COL9A2: variants seen among roughly 807,000 people sequenced by gnomAD.
COL9A2 encodes the protein collagen type IX alpha 2 chain.
In COL9A2, 66 loss-of-function variants were observed where a neutral mutation model predicts 111.6. That is an observed-to-expected ratio of 0.59 (90% CI 0.48 to 0.73). The LOEUF (loss-of-function observed/expected upper bound fraction) is 0.73, where lower values mean the gene tolerates loss of function less well. COL9A2 is among the 30% of genes least tolerant of loss of function. COL9A2 has a pLI of 0.00. For missense variants in COL9A2, 881 were observed against 954.1 expected, an observed-to-expected ratio of 0.92 and a Z score of 1.01; for synonymous variants, 353 against 364.1, an observed-to-expected ratio of 0.97 and a Z score of 0.35.
Position 40,314,460 on chromosome 1 carries a change from C to A in COL9A2, c.151-73G>T. ...CCAAGTGGGCACACACAGGCCCTGG[C>A]AGGCCGCTCCCAAAGGCTCTCCTCA... On this transcript the variant is annotated intron_variant, in intron 2 of 31. Transcript: ENST00000372748. The surrounding 1 kb of genome is among the most constrained non-coding windows in gnomAD (Gnocchi z 4.1). 1.9e-6 allele frequency: 3 copies of A among 1,577,376 alleles called. No homozygotes were observed. Among genetic ancestry groups the A allele is most frequent in the Non-Finnish European group, 2.6e-6 (3 of 1,146,804 alleles).
Position 40,307,448 on chromosome 1 carries a change from C to T in COL9A2, c.1006G>A (p.Ala336Thr). 1 of 1,614,024 alleles carries T rather than the reference C, an allele frequency of 6.2e-7. No individual in the cohort carries two copies. The highest frequency in any genetic ancestry group is 8.5e-7 in the Non-Finnish European group (1 of 1,179,964). ...QPGSPGHQGLAGVPGQPGTKG... is the reference protein window; with the variant it reads ...QPGSPGHQGLTGVPGQPGTKG... Reference sequence around the variant, plus strand: ...CTGTGGCTCCACCTGACACTTACCGCTAGGCCCTGGTGGCCTGGACTTCCG... The same window carrying T: ...CTGTGGCTCCACCTGACACTTACCGTTAGGCCCTGGTGGCCTGGACTTCCG... The change falls in exon 19 of 32, where the codon GCG (alanine) becomes ACG (threonine). Residue 336 changes from alanine to threonine, a missense_variant and splice_region_variant. Transcript: ENST00000372748. This position sits in a 1 kb window ranked among gnomAD's most constrained non-coding sequence, Gnocchi z 4.8.
At position 40,302,534 on chromosome 1, in the gene COL9A2, G is replaced by T; in HGVS notation, c.1792+87C>A. The T allele has an allele frequency of 6.9e-7, 1 of 1,446,082 alleles. No individual in the cohort carries two copies. The highest frequency in any genetic ancestry group is 9.4e-7 in the Non-Finnish European group (1 of 1,063,418). The allele number at this position is 1,446,082 out of a possible 1,614,324, so 89.6% of individuals were successfully genotyped here. A position where few individuals can be genotyped will look rare whatever the true frequency, so the allele number is the denominator to read the frequency against. ...TGAGGAACCGGGGAAGGGTCTGTAT[G>T]TCATCCTGAGAAGGGAATGGGGAAA... On this transcript the variant is annotated intron_variant, in intron 30 of 31. Transcript: ENST00000372748. The surrounding 1 kb of genome is among the most constrained non-coding windows in gnomAD (Gnocchi z 4.5).
rs1315693882 is a variant in COL9A2 at position 40,312,070 on chromosome 1, G to A, written c.406C>T (p.Arg136Ter). The change falls in exon 8 of 32, where the codon CGA becomes TGA. Residue 136 changes from arginine (R) to a stop codon, truncating the protein, a stop_gained. Transcript: ENST00000372748. LOFTEE classifies it high-confidence loss of function. The surrounding 1 kb of genome is among the most constrained non-coding windows in gnomAD (Gnocchi z 6.0). ...TGGCTGAGGCTCACCTTGGGGCCTCGGATTCCAATCTCACCAGGGAGGCCA... is the reference window on the plus strand; with the variant it reads ...TGGCTGAGGCTCACCTTGGGGCCTCAGATTCCAATCTCACCAGGGAGGCCA... ...PVGLPGEIGI[R>*]GPKGDPGPDG... The A allele has an allele frequency of 3.1e-6, 5 of 1,601,138 alleles. No homozygotes were observed. Among genetic ancestry groups the A allele is most frequent in the Non-Finnish European group, 3.4e-6 (4 of 1,175,518 alleles).
In COL9A2 at chr1:40,307,538, C is replaced by T; in HGVS notation, c.955-39G>A. ...ATAACCAAAGATACAAATTAAAGCT[C>T]CAGCCAGAGGGCCATGGCTTCTACC... On this transcript the variant is annotated intron_variant, in intron 18 of 31. Coordinates refer to ENST00000372748, the MANE Select transcript of COL9A2 (RefSeq NM_001852.4). The surrounding 1 kb of genome is among the most constrained non-coding windows in gnomAD (Gnocchi z 4.8). The T allele has an allele frequency of 6.2e-7, 1 of 1,611,942 alleles. No individual in the cohort carries two copies. The highest frequency in any genetic ancestry group is 2.2e-5 in the East Asian group (1 of 44,846).
intron 19 of COL9A2, 108 bp from the exon 20 acceptor site, chr1:40,306,295 G>A: frequency 8.1e-7 from 1 of 1,241,498 alleles, no homozygotes; most frequent in Non-Finnish European, 1.2e-6. Context: ...TGTGGGAGCT[G>A]AACAACAGAA....
Position 40,307,416 on chromosome 1 carries a change from C to T in COL9A2, c.1008+30G>A. 6.2e-7 allele frequency: 1 copy of T among 1,611,010 alleles called. No individual in the cohort carries two copies. Among genetic ancestry groups the T allele is most frequent in the Non-Finnish European group, 8.5e-7 (1 of 1,178,198 alleles). ...AACCTCATCAGCCACTAGCCCCTGG[C>T]CAGCCCCTGTGGCTCCACCTGACAC... On this transcript the variant is annotated intron_variant, in intron 19 of 31. Coordinates refer to ENST00000372748, the MANE Select transcript of COL9A2 (RefSeq NM_001852.4). This position sits in a 1 kb window ranked among gnomAD's most constrained non-coding sequence, Gnocchi z 4.8.
At chr1:40,309,434 G>GA (rs780999102) in intron 16 of COL9A2, among the ~76,000 whole-genome samples, 5,706 of 139,416 alleles carry the variant, frequency 0.041, 168 homozygotes, top group African/African-American at 0.093. Context: ...TATTAATTGG[G>GA]AAAAAAAAAA....
Position 40,311,557 on chromosome 1 carries a change from G to A in COL9A2, c.472-10C>T, listed in dbSNP as rs372390684. 8 of 1,613,896 alleles carry A rather than the reference G, an allele frequency of 5.0e-6. No homozygotes were observed. Among genetic ancestry groups the A allele is most frequent in the Non-Finnish European group, 6.8e-6 (8 of 1,179,958 alleles). On this transcript the variant is annotated splice_polypyrimidine_tract_variant and intron_variant, in intron 9 of 31. Transcript: ENST00000372748. This position sits in a 1 kb window ranked among gnomAD's most constrained non-coding sequence, Gnocchi z 5.1. ...TGGTTCCCGGGCGACCCTGAGAGGA[G>A]ACATGAAGATGGAGCTTGGCCTGAC...
Position 40,310,595 on chromosome 1 carries a change from T to C in COL9A2, c.684+119A>G, listed in dbSNP as rs1644107152. ...CAGCCTCCATCTCCCCATCCAGAGA[T>C]GCTCCCAGCTAGACACAGGTGTCTC... On this transcript the variant is annotated intron_variant, in intron 13 of 31. Transcript: ENST00000372748. The surrounding 1 kb of genome is among the most constrained non-coding windows in gnomAD (Gnocchi z 4.9). 6.1e-6 allele frequency: 6 copies of C among 985,864 alleles called. No homozygotes were observed. The highest frequency in any genetic ancestry group is 9.5e-6 in the Non-Finnish European group (6 of 632,470). The allele number at this position is 985,864 out of a possible 1,614,324, so 61.1% of individuals were successfully genotyped here.
In COL9A2 at chr1:40,312,622, C is replaced by G. The variant is rs200032742; in HGVS notation, c.304-13G>C. The G allele has an allele frequency of 6.2e-7, 1 of 1,613,862 alleles. No homozygotes were observed. ...GCCCGGGCTGGCCCTGCAGAAGCAA[C>G]GAGAAAGGCTCAGAGGCTGGGGTTT... On this transcript the variant is annotated splice_polypyrimidine_tract_variant and intron_variant, in intron 5 of 31. Transcript: ENST00000372748. The surrounding 1 kb of genome is among the most constrained non-coding windows in gnomAD (Gnocchi z 6.0).
Position 40,302,466 on chromosome 1 carries a change from G to C in COL9A2, c.1792+155C>G, listed in dbSNP as rs543137011. On this transcript the variant is annotated intron_variant, in intron 30 of 31. Transcript: ENST00000372748. The surrounding 1 kb of genome is among the most constrained non-coding windows in gnomAD (Gnocchi z 4.5). Reference sequence around the variant, plus strand: ...ATAGTACATTCATTGCCATCCGTTTGCTACTAGGAAAGAGCCCAGGAGTGT... The same window carrying C: ...ATAGTACATTCATTGCCATCCGTTTCCTACTAGGAAAGAGCCCAGGAGTGT... Among the ~76,000 whole-genome samples the C allele has an allele frequency of 1.8e-4, 27 of 152,282 alleles. No individual in the cohort carries two copies. Among genetic ancestry groups the C allele is most frequent in the African/African-American group, 4.8e-4 (20 of 41,562 alleles).
In COL9A2 at chr1:40,312,151, G is replaced by A. The variant is rs1305328133; in HGVS notation, c.364-39C>T. 5 of 1,552,742 alleles carry A rather than the reference G, an allele frequency of 3.2e-6. No homozygotes were observed. Among genetic ancestry groups the A allele is most frequent in the Middle Eastern group, 1.7e-4 (1 of 5,968 alleles). On this transcript the variant is annotated intron_variant, in intron 7 of 31. Transcript: ENST00000372748. The surrounding 1 kb of genome is among the most constrained non-coding windows in gnomAD (Gnocchi z 6.0). ...AGTTGATGGTCAGGATGCCTCAGAG[G>A]GTCAGATACCCTGGGCACAAAGGTA...
rs980874762 is a variant in COL9A2, at chr1:40,300,822, G to A, written c.*360C>T. 8.1e-5 allele frequency: 18 copies of A among 221,884 alleles called. No homozygotes were observed. Among genetic ancestry groups the A allele is most frequent in the Admixed American group, 4.7e-4 (9 of 19,086 alleles). 13.7% of individuals were successfully genotyped at this position (221,884 alleles called of 1,614,324 possible). A position where few individuals can be genotyped will look rare whatever the true frequency, so the allele number is the denominator to read the frequency against. On this transcript the variant is annotated 3_prime_UTR_variant, in exon 32 of 32. Coordinates refer to ENST00000372748, the MANE Select transcript of COL9A2 (RefSeq NM_001852.4). The surrounding 1 kb of genome is among the most constrained non-coding windows in gnomAD (Gnocchi z 4.4). The stretch of plus-strand genomic sequence containing the variant: ...TAGCTGGGCAGGGCCCGGGCCTCCC[G>A]AGGTGCCCATGTCCCACTGACCCAA...
In COL9A2 at chr1:40,303,966, G is replaced by A. The variant is rs1045874002; in HGVS notation, c.1330C>T (p.Pro444Ser). 2 of 1,565,174 alleles carry A rather than the reference G, an allele frequency of 1.3e-6. No individual in the cohort carries two copies. Among genetic ancestry groups the A allele is most frequent in the Non-Finnish European group, 1.7e-6 (2 of 1,154,404 alleles). The part of the protein sequence containing the change: ...KTGPRGKVGD[P>S]GVAGLPGEKG... ...TCTCCGGGGAGGCCGGCCACCCCTGGGTCACCCTGCAGAGAGAACCACGGG... is the reference window on the plus strand; with the variant it reads ...TCTCCGGGGAGGCCGGCCACCCCTGAGTCACCCTGCAGAGAGAACCACGGG... Residue 444 changes from proline (P) to serine (S), a missense_variant, in exon 26 of 32, where the codon CCA becomes TCA. By Grantham distance (74) the Pro-to-Ser change is moderately conservative. Transcript: ENST00000372748. This position sits in a 1 kb window ranked among gnomAD's most constrained non-coding sequence, Gnocchi z 4.6.
Position 40,317,283 on chromosome 1 carries a change from G to GA in COL9A2, c.-87_-86insT. On this transcript the variant is annotated 5_prime_UTR_variant, in exon 1 of 32. Coordinates refer to ENST00000372748, the MANE Select transcript of COL9A2 (RefSeq NM_001852.4). This position sits in a 1 kb window ranked among gnomAD's most constrained non-coding sequence, Gnocchi z 4.3. ...TCCCGGCGCTCCTCCAGCGCTGGCT[G>GA]TTCGCGGGCAGGGTGGGCTGGGGCT... 1.5e-6 allele frequency: 1 copy of GA among 645,528 alleles called. No individual in the cohort carries two copies. The highest frequency in any genetic ancestry group is 2.6e-6 in the Non-Finnish European group (1 of 382,120). 40.0% of individuals were successfully genotyped at this position (645,528 alleles called of 1,614,324 possible). A position where few individuals can be genotyped will look rare whatever the true frequency, so the allele number is the denominator to read the frequency against.
chr1:40,317,203 G>A lies in COL9A2; in HGVS notation c.-6C>T. 1 of 1,569,720 alleles carries A rather than the reference G, an allele frequency of 6.4e-7. No individual in the cohort carries two copies. The highest frequency in any genetic ancestry group is 1.4e-5 in the African/African-American group (1 of 73,698). On this transcript the variant is annotated 5_prime_UTR_variant, in exon 1 of 32. Coordinates refer to ENST00000372748, the MANE Select transcript of COL9A2 (RefSeq NM_001852.4). This position sits in a 1 kb window ranked among gnomAD's most constrained non-coding sequence, Gnocchi z 4.3. ...GAGGCCGTAGCGGCGGCCATGGCTG[G>A]CGGCGAGACCAAGGGGGACGGGTGC...
At chr1:40,309,299 G>A (rs924328006) in intron 16 of COL9A2, among the ~76,000 whole-genome samples, 1 of 151,770 alleles carries the variant, frequency 6.6e-6, no homozygotes, top group Non-Finnish European at 1.5e-5. Flanking sequence ...AAAAATAAAA[G>A]TATAAGAATT....
Position 40,304,817 on chromosome 1 carries a change from G to T in COL9A2, c.1138C>A (p.Pro380Thr), listed in dbSNP as rs554648154. ...ACCTTCTGTCCCATGATGCCCTGGGGACCAATTTCTCCTCGAGGCCCTGGC... is the reference window on the plus strand; with the variant it reads ...ACCTTCTGTCCCATGATGCCCTGGGTACCAATTTCTCCTCGAGGCCCTGGC... ...GEPGPRGEIG[P>T]QGIMGQKGDQ... Residue 380 changes from proline (P) to threonine (T), a missense_variant, in exon 22 of 32, where the codon CCC becomes ACC. Pro to Thr is a conservative substitution (Grantham distance 38, BLOSUM62 -1). Coordinates refer to ENST00000372748, the MANE Select transcript of COL9A2 (RefSeq NM_001852.4). 50 of 1,550,886 alleles carry T rather than the reference G, an allele frequency of 3.2e-5. 2 individuals carry two copies. In the South Asian group the frequency reaches 5.7e-4, roughly 18 times the overall value.
rs1643957817 is a variant in COL9A2, at chr1:40,303,773, G to A, written c.1401+34C>T. 1.3e-6 allele frequency: 2 copies of A among 1,560,218 alleles called. No homozygotes were observed. Among genetic ancestry groups the A allele is most frequent in the East Asian group, 2.4e-5 (1 of 42,336 alleles). ...GTCGAGGAAGGGAGTGGCCGCCCAG[G>A]AAAGTCGGAGAACGCCGGGAGGGGA... is the stretch of plus-strand genomic sequence containing the variant. On this transcript the variant is annotated intron_variant, in intron 27 of 31. Transcript: ENST00000372748. The surrounding 1 kb of genome is among the most constrained non-coding windows in gnomAD (Gnocchi z 4.6).
Sources: allele counts gnomAD v4.1 joint callset (sites outside exome capture counted in the v4.1 genomes callset), GRCh38; gene constraint gnomAD v4.1.1; non-coding constraint Gnocchi (gnomAD v3.1); transcripts MANE v1.5; gene names NCBI Gene and HGNC (gene_info 2026-07-23, HGNC 2026-07-21).